DOT1L: variants seen among roughly 807,000 people sequenced by gnomAD.
DOT1L encodes DOT1 like histone lysine methyltransferase, also known as histone-lysine N-methyltransferase, H3 lysine-79 specific.
DOT1L carries 33 observed loss-of-function variants against 153.3 expected under a neutral mutation model. The observed-to-expected ratio is 0.22, with a 90% confidence interval of 0.16 to 0.29. The LOEUF (loss-of-function observed/expected upper bound fraction) is 0.29, where lower values mean the gene tolerates loss of function less well. Ranked by LOEUF, DOT1L falls within the 10% of genes least tolerant of loss-of-function variation. The probability of loss-of-function intolerance (pLI) is 1.00; values close to 1 mark genes in which losing one functional copy is unlikely to be tolerated. For missense variants in DOT1L, 1,847 were observed against 2,119.9 expected, an observed-to-expected ratio of 0.87 and a Z score of 2.53; for synonymous variants, 1,135 against 965.1, an observed-to-expected ratio of 1.18 and a Z score of -3.26.
chr19:2,213,365 C>A (rs1007273760), intron 16 of DOT1L, 174 bp from the exon 17 acceptor site: 87 of 595,748 alleles, frequency 1.5e-4, no homozygotes, highest in Non-Finnish European at 2.1e-4. Context: ...AGAGCTGGTC[C>A]CCTCCCGCCG....
intron 15 of DOT1L, among the ~76,000 whole-genome samples, chr19:2,211,532 C>A (rs2023712679): frequency 6.6e-6 from 1 of 152,200 alleles, no homozygotes; most frequent in Non-Finnish European, 1.5e-5. Flanking sequence ...CCAGGATGGC[C>A]CCACGCGGTG....
At chr19:2,219,830 AC>A (rs2024044017) in intron 22 of DOT1L, among the ~76,000 whole-genome samples, 1 of 150,710 alleles carries the variant, frequency 6.6e-6, no homozygotes, top group Non-Finnish European at 1.5e-5. Flanking sequence ...TGTGCCCAGT[AC>A]CCCCTCCCCA....
rs2023600852 is a variant in DOT1L, at chr19:2,208,729, T to C, written c.964-206T>C. ...GCCCCGCCCACCCGTCGCGTGCTGG[T>C]GAATTGAGGGTGACGCCTGGCCACA... On this transcript the variant is annotated intron_variant, in intron 11 of 27. Transcript: ENST00000398665. The surrounding 1 kb of genome is among the most constrained non-coding windows in gnomAD (Gnocchi z 4.4). Among the ~76,000 whole-genome samples, 1 of 152,018 alleles carries C rather than the reference T, an allele frequency of 6.6e-6. No homozygotes were observed. The highest frequency in any genetic ancestry group is 2.1e-4 in the South Asian group (1 of 4,826).
chr19:2,214,618 A>G (rs772628473), intron 19 of DOT1L, 22 bp downstream of exon 19: 15 of 1,605,892 alleles, frequency 9.3e-6, no homozygotes, highest in East Asian at 2.2e-5. Context: ...GCGAGGCTGC[A>G]CTCCGTGGTG....
rs1339148632 is a variant in DOT1L, at chr19:2,214,604, G to A, written c.1923+8G>A. ...CACTGCCTGGAGCTGCAGGTGGGCT[G>A]CGCGCGAGGCTGCACTCCGTGGTGT... On this transcript the variant is annotated splice_region_variant and intron_variant, in intron 19 of 27. Transcript: ENST00000398665. 6.2e-7 allele frequency: 1 copy of A among 1,611,442 alleles called. No individual in the cohort carries two copies. The highest frequency in any genetic ancestry group is 8.5e-7 in the Non-Finnish European group (1 of 1,179,204).
chr19:2,190,755 G>A lies in DOT1L; in HGVS notation c.265-257G>A, dbSNP rs572551903. Reference sequence around the variant, plus strand: ...GTTTTGGTGGTCTTGCCAGTGGGGAGAGAGGCCCGTGGCAGGAGGTGGAGC... The same window carrying A: ...GTTTTGGTGGTCTTGCCAGTGGGGAAAGAGGCCCGTGGCAGGAGGTGGAGC... On this transcript the variant is annotated intron_variant, in intron 4 of 27. Transcript: ENST00000398665. This position sits in a 1 kb window ranked among gnomAD's most constrained non-coding sequence, Gnocchi z 4.8. Among the ~76,000 whole-genome samples, 1 of 152,016 alleles carries A rather than the reference G, an allele frequency of 6.6e-6. No individual in the cohort carries two copies. The highest frequency in any genetic ancestry group is 1.5e-5 in the Non-Finnish European group (1 of 67,976).
In DOT1L at chr19:2,202,253, C is replaced by T. The variant is rs118079536; in HGVS notation, c.708-447C>T. Among the ~76,000 whole-genome samples the T allele has an allele frequency of 7.8e-3, 1,182 of 152,310 alleles. 7 individuals are homozygous for T. Among genetic ancestry groups the T allele is most frequent in the Non-Finnish European group, 0.012 (849 of 68,002 alleles). ...CTGAAATGCTGCCAAGGGCGCCTCA[C>T]CTGGGACCCGTTGTCTGCGGTCTCT... On this transcript the variant is annotated intron_variant, in intron 8 of 27. Coordinates refer to ENST00000398665, the MANE Select transcript of DOT1L (RefSeq NM_032482.3).
chr19:2,214,651 C>T, intron 19 of DOT1L, 55 bp downstream of exon 19: 8 of 1,594,530 alleles, frequency 5.0e-6, no homozygotes, highest in Non-Finnish European at 6.0e-6. Context: ...CCATCAGCCT[C>T]CCTGTGACGT....
intron 7 of DOT1L, among the ~76,000 whole-genome samples, chr19:2,195,694 C>A (rs936905509): frequency 2.0e-5 from 3 of 152,162 alleles, no homozygotes; most frequent in African/African-American, 4.8e-5. Flanking sequence ...ACCAGGTCAC[C>A]ACCCTGGGAG....
rs150805480 is a variant in DOT1L at position 2,171,571 on chromosome 19, G to T, written c.81+7306G>T. Among the ~76,000 whole-genome samples the T allele has an allele frequency of 8.1e-3, 1,232 of 152,304 alleles. 10 individuals are homozygous for T. Among genetic ancestry groups the T allele is most frequent in the Non-Finnish European group, 0.013 (892 of 68,020 alleles). ...CACCACCGAGGGCGGGCCAGGAGAC[G>T]CCAAGAGCTGTGCCTTTCATCGCCT... On this transcript the variant is annotated intron_variant, in intron 1 of 27. Transcript: ENST00000398665.
chr19:2,225,442 C>G lies in DOT1L; in HGVS notation c.3651C>G (p.Thr1217=). 1 of 1,614,176 alleles carries G rather than the reference C, an allele frequency of 6.2e-7. No individual in the cohort carries two copies. Among genetic ancestry groups the G allele is most frequent in the Non-Finnish European group, 8.5e-7 (1 of 1,180,028 alleles). ...TAGAAAGCAAATCTCCCCCGAAAACCTTGGAAAATGGTGAGTAACAAGTGT... is the reference window on the plus strand; with the variant it reads ...TAGAAAGCAAATCTCCCCCGAAAACGTTGGAAAATGGTGAGTAACAAGTGT... ...ISLESKSPPK[T]LENGGGLAGR... Residue 1217 remains threonine (T), a synonymous_variant, in exon 26 of 28, where the codon ACC becomes ACG. Coordinates refer to ENST00000398665, the MANE Select transcript of DOT1L (RefSeq NM_032482.3).
In DOT1L at chr19:2,194,562, G is replaced by A; in HGVS notation, c.636G>A (p.Lys212=). 1 of 1,612,948 alleles carries A rather than the reference G, an allele frequency of 6.2e-7. No homozygotes were observed. The highest frequency in any genetic ancestry group is 1.7e-5 in the Admixed American group (1 of 60,008). ...FRKWMKWYGK[K]HAEYTLERGD... ...AGTGGATGAAATGGTATGGAAAAAA[G>A]CATGCAGAATACACAGTGAGTGCCA... Residue 212 remains lysine, a synonymous_variant, in exon 7 of 28, where the codon AAG becomes AAA. Transcript: ENST00000398665.
At chr19:2,187,620 G>A (rs535964644) in intron 3 of DOT1L, among the ~76,000 whole-genome samples, 20 of 152,276 alleles carry the variant, frequency 1.3e-4, no homozygotes, top group Admixed American at 8.5e-4. Context: ...TGAAGGCGGC[G>A]TGTAGAAGTG....
In DOT1L at chr19:2,230,562, G is replaced by C. The variant is rs1344884731; in HGVS notation, c.*770G>C. The C allele has an allele frequency of 1.3e-5, 5 of 398,592 alleles. No individual in the cohort carries two copies. Among genetic ancestry groups the C allele is most frequent in the Non-Finnish European group, 2.2e-5 (5 of 226,114 alleles). 24.7% of individuals were successfully genotyped at this position (398,592 alleles called of 1,614,324 possible). A position where few individuals can be genotyped will look rare whatever the true frequency, so the allele number is the denominator to read the frequency against. The stretch of plus-strand genomic sequence containing the variant: ...TGTATTTCTCGGCTGTCCATGGCTC[G>C]CAGCATGCCCTGCGATGCGGGGCAG... On this transcript the variant is annotated 3_prime_UTR_variant, in exon 28 of 28. Coordinates refer to ENST00000398665, the MANE Select transcript of DOT1L (RefSeq NM_032482.3).
chr19:2,226,727 G>C lies in DOT1L; in HGVS notation c.4206G>C (p.Lys1402Asn), dbSNP rs1175069395. The change falls in exon 27 of 28, where the codon AAG becomes AAC. Residue 1402 changes from lysine (K) to asparagine (N), a missense_variant. Physicochemically the swap from Lys to Asn is moderately conservative, Grantham distance 94. Transcript: ENST00000398665. ...TACCGCTGTGCGGGCCCACGGACAA[G>C]ACCCCACTGCTGAGCGGCAAGGCCG... ...GGLPLCGPTDKTPLLSGKAAK... is the reference protein window; with the variant it reads ...GGLPLCGPTDNTPLLSGKAAK... The C allele has an allele frequency of 6.4e-7, 1 of 1,562,416 alleles. No homozygotes were observed. The highest frequency in any genetic ancestry group is 8.6e-7 in the Non-Finnish European group (1 of 1,159,090).
intron 1 of DOT1L, among the ~76,000 whole-genome samples, chr19:2,167,596 C>T (rs762608245): frequency 1.9e-4 from 29 of 152,254 alleles, no homozygotes; most frequent in Admixed American, 1.1e-3. Context: ...ACTGCCGGGC[C>T]CAGCATCTTC....
At chr19:2,172,163 G>A (rs974725611) in intron 1 of DOT1L, among the ~76,000 whole-genome samples, 3 of 151,984 alleles carry the variant, frequency 2.0e-5, no homozygotes, top group South Asian at 2.1e-4. Context: ...CTCCTCGGAC[G>A]CACTTTTCTT....
chr19:2,226,354 C>T lies in DOT1L; in HGVS notation c.3833C>T (p.Ala1278Val), dbSNP rs1377657290. The change falls in exon 27 of 28, where the codon GCC (alanine) becomes GTC (valine). Residue 1278 changes from alanine (A) to valine (V), a missense_variant. Ala to Val is a moderately conservative substitution (Grantham distance 64). Around this residue, in one of 8 missense-constraint regions of DOT1L, gnomAD observed 934 missense variants for 825.3 expected, o/e 1.13. Coordinates refer to ENST00000398665, the MANE Select transcript of DOT1L (RefSeq NM_032482.3). Reference protein sequence around the residue: ...SQNSLFTFRPALEEPSADAKL... With the variant: ...SQNSLFTFRPVLEEPSADAKL... ...AACTCCCTGTTCACGTTCCGGCCCG[C>T]CCTGGAGGAGCCCTCTGCCGATGCC... 1.9e-6 allele frequency: 3 copies of T among 1,593,588 alleles called. No homozygotes were observed. Among genetic ancestry groups the T allele is most frequent in the East Asian group, 2.3e-5 (1 of 44,350 alleles).
chr19:2,201,997 C>T (rs2023306951), intron 8 of DOT1L, among the ~76,000 whole-genome samples: 1 of 152,218 alleles, frequency 6.6e-6, no homozygotes. Context: ...TGGAGGTGTG[C>T]ATCACGGAGC....
Sources: allele counts gnomAD v4.1 joint callset (sites outside exome capture counted in the v4.1 genomes callset), GRCh38; gene constraint gnomAD v4.1.1; regional missense constraint gnomAD v4.1.1; non-coding constraint Gnocchi (gnomAD v3.1); transcripts MANE v1.5; gene names NCBI Gene and HGNC (gene_info 2026-07-23, HGNC 2026-07-21).